The following FRAS1 variants were observed in gnomAD, a reference collection of about 807,000 sequenced individuals.
FRAS1 encodes extracellular matrix organizing protein FRAS1.
FRAS1 carries 290 observed loss-of-function variants against 435.2 expected under a neutral mutation model. That is an observed-to-expected ratio of 0.67 (90% confidence interval 0.61 to 0.73). The LOEUF (loss-of-function observed/expected upper bound fraction) is 0.73, where lower values mean the gene tolerates loss of function less well. FRAS1 is among the 30% of genes least tolerant of loss of function. The pLI, the probability that FRAS1 is intolerant of heterozygous loss-of-function variation, is 0.00. For missense variants in FRAS1, 4,860 were observed against 5,001.5 expected (o/e 0.97, Z 0.85); for synonymous variants, 1,800 against 1,851.0 (o/e 0.97, Z 0.71).
At chr4:78,212,906 G>T (rs1479713048) in intron 2 of FRAS1, among the ~76,000 whole-genome samples, 1 of 152,218 alleles carries the variant, frequency 6.6e-6, no homozygotes, top group East Asian at 1.9e-4. Context: ...GAGAGAAGGT[G>T]CATTGTGACA....
At position 78,466,327 on chromosome 4, in the gene FRAS1, C is replaced by T; in HGVS notation, c.7149C>T (p.Asn2383=). 1 of 1,613,880 alleles carries T rather than the reference C, an allele frequency of 6.2e-7. No homozygotes were observed. The highest frequency in any genetic ancestry group is 8.5e-7 in the Non-Finnish European group (1 of 1,179,800). The part of the protein sequence containing the change: ...STFTMKDIYQ[N]RVSYSHDGSN... ...TCACCATGAAAGATATCTACCAGAA[C>T]CGGGTCAGCTACAGCCATGACGGCA... is the stretch of plus-strand genomic sequence containing the variant. The change falls in exon 50 of 74, where the codon AAC becomes AAT. Residue 2383 remains asparagine, a synonymous_variant. Coordinates refer to ENST00000512123, the MANE Select transcript of FRAS1 (RefSeq NM_025074.7).
chr4:78,529,081 C>G (rs1479315412), intron 70 of FRAS1, among the ~76,000 whole-genome samples: 2 of 152,030 alleles, frequency 1.3e-5, no homozygotes, highest in Non-Finnish European at 2.9e-5. Context: ...GTAGCTGTAG[C>G]AGGGTGGTGA....
At chr4:78,412,540 C>A (rs1023316511) in intron 31 of FRAS1, among the ~76,000 whole-genome samples, 1 of 152,166 alleles carries the variant, frequency 6.6e-6, no homozygotes, top group Non-Finnish European at 1.5e-5. Context: ...ATATTACATA[C>A]TCATAATAAG....
rs189304610 is a variant in FRAS1 at position 78,485,360 on chromosome 4, A to G, written c.8752+2825A>G. On this transcript the variant is annotated intron_variant, in intron 58 of 73. Transcript: ENST00000512123. ...TCCTCACTGATCAACACACAAAATTATATTTAAATATTTTTCAGTATTTTA... is the reference window on the plus strand; with the variant it reads ...TCCTCACTGATCAACACACAAAATTGTATTTAAATATTTTTCAGTATTTTA... Among the ~76,000 whole-genome samples, 725 of 152,344 alleles carry G rather than the reference A, an allele frequency of 4.8e-3. 19 individuals are homozygous for G. Among genetic ancestry groups the G allele is most frequent in the Admixed American group, 0.044 (669 of 15,294 alleles).
At chr4:78,307,582 A>T (rs1266458568) in intron 14 of FRAS1, among the ~76,000 whole-genome samples, 1 of 152,210 alleles carries the variant, frequency 6.6e-6, no homozygotes, top group Admixed American at 6.5e-5. Context: ...AGCCCGTCGG[A>T]AAAGCGCAGT....
rs770131494 is a variant in FRAS1, at chr4:78,387,437, C to T, written c.3711C>T (p.Thr1237=). 2 of 1,613,748 alleles carry T rather than the reference C, an allele frequency of 1.2e-6. No individual in the cohort carries two copies. Among genetic ancestry groups the T allele is most frequent in the South Asian group, 2.2e-5 (2 of 91,028 alleles). The part of the protein sequence containing the change: ...HISRGERATI[T]TQMLDIRDDD... ...GCAGAGGAGAGAGGGCAACCATCAC[C>T]ACCCAGATGCTTGACATCCGAGATG... Residue 1237 remains threonine (T), a synonymous_variant, in exon 29 of 74, where the codon ACC becomes ACT. Transcript: ENST00000512123.
At chr4:78,422,958 T>C (rs1733848791) in intron 34 of FRAS1, among the ~76,000 whole-genome samples, 1 of 152,040 alleles carries the variant, frequency 6.6e-6, no homozygotes, top group Admixed American at 6.6e-5. Context: ...AAGGAAAGTC[T>C]GAGTGGAAGA....
chr4:78,251,646 G>T (rs1165805254), intron 4 of FRAS1, among the ~76,000 whole-genome samples: 2 of 152,212 alleles, frequency 1.3e-5, no homozygotes, highest in Non-Finnish European at 2.9e-5. Flanking sequence ...TCTTTAGCAG[G>T]CTAGCTCATT....
At chr4:78,151,134 AC>A (rs1720640770) in intron 2 of FRAS1, among the ~76,000 whole-genome samples, 1 of 152,174 alleles carries the variant, frequency 6.6e-6, no homozygotes, top group African/African-American at 2.4e-5. Flanking sequence ...AGTTTTTCTA[AC>A]TAAAGATATA....
intron 2 of FRAS1, among the ~76,000 whole-genome samples, chr4:78,124,905 G>T (rs1164018933): frequency 2.0e-5 from 3 of 152,004 alleles, no homozygotes; most frequent in African/African-American, 7.3e-5. Context: ...CTTGCTAGTG[G>T]TCTATTTATT....
At chr4:78,116,230 A>T (rs1040687304) in intron 2 of FRAS1, among the ~76,000 whole-genome samples, 1 of 152,028 alleles carries the variant, frequency 6.6e-6, no homozygotes, top group African/African-American at 2.4e-5. Context: ...TACATTTGCC[A>T]AGGAGTGCTT....
chr4:78,377,285 G>GA (rs570441718), intron 26 of FRAS1, among the ~76,000 whole-genome samples: 1 of 151,996 alleles, frequency 6.6e-6, no homozygotes, highest in Non-Finnish European at 1.5e-5. Context: ...TTCCCCATGG[G>GA]AAAAAATATT....
chr4:78,194,383 A>G (rs970260719), intron 2 of FRAS1, among the ~76,000 whole-genome samples: 2 of 152,140 alleles, frequency 1.3e-5, no homozygotes, highest in African/African-American at 4.8e-5. Context: ...ACTTGGTTCC[A>G]TTCTCCCCGT....
chr4:78,519,503 C>T (rs372525160), intron 67 of FRAS1, 22 bp downstream of exon 67: 26 of 1,601,392 alleles, frequency 1.6e-5, no homozygotes, highest in Middle Eastern at 1.7e-4. Flanking sequence ...GACGCCTTAA[C>T]TATCCCTTTA....
At chr4:78,298,020 CTCTCTCTCTCTATA>C (rs1431702269) in intron 14 of FRAS1, among the ~76,000 whole-genome samples, 406 of 106,274 alleles carry the variant, frequency 3.8e-3, no homozygotes, top group South Asian at 6.6e-3. Context: ...CTCTCTCTCT[CTCTCTCTCTCTATA>C]TATATATATA....
At chr4:78,469,689 G>A (rs1719644266) in intron 50 of FRAS1, among the ~76,000 whole-genome samples, 1 of 151,922 alleles carries the variant, frequency 6.6e-6, no homozygotes, top group Non-Finnish European at 1.5e-5. Flanking sequence ...ACATAGGTGT[G>A]TAAAAACCAA....
intron 47 of FRAS1, among the ~76,000 whole-genome samples, chr4:78,457,800 G>A (rs901829654): frequency 2.6e-5 from 4 of 152,122 alleles, no homozygotes; most frequent in African/African-American, 9.7e-5. Context: ...TCACTGCCAA[G>A]TTCTCATTTC....
chr4:78,515,772 C>T (rs760074812), intron 65 of FRAS1, 27 bp from the exon 66 acceptor site: 5 of 1,606,254 alleles, frequency 3.1e-6, no homozygotes, highest in African/African-American at 2.7e-5. Flanking sequence ...ACCAAGTTAT[C>T]GTTCCTTGTT....
At chr4:78,189,704 C>T (rs1560571427) in intron 2 of FRAS1, among the ~76,000 whole-genome samples, 1 of 152,202 alleles carries the variant, frequency 6.6e-6, no homozygotes, top group Non-Finnish European at 1.5e-5. Context: ...TGACCTCTCC[C>T]ATGGCAGACA....
Sources: gnomAD v4.1 joint callset for allele counts (sites outside exome capture counted in the v4.1 genomes callset) on GRCh38, gnomAD v4.1.1 for gene constraint, MANE v1.5 for transcripts, NCBI Gene and HGNC (gene_info 2026-07-23, HGNC 2026-07-21) for gene names.